The following MROH2B variants were observed in gnomAD, a reference collection of about 807,000 sequenced individuals.
MROH2B encodes maestro heat like repeat family member 2B.
Under a neutral mutation model 208.6 loss-of-function variants are expected in MROH2B, and 177 were observed. That is an observed-to-expected ratio of 0.85 (90% confidence interval 0.75 to 0.96). The LOEUF (loss-of-function observed/expected upper bound fraction) is 0.96, where lower values mean the gene tolerates loss of function less well. Ranked by LOEUF, MROH2B falls within the 40% of genes least tolerant of loss-of-function variation. The pLI is 0.00. For synonymous variants in MROH2B, 728 were observed against 659.0 expected (o/e 1.10, Z -1.60); for missense variants, 2,002 against 1,878.7 (o/e 1.07, Z -1.21).
intron 10 of MROH2B, 66 bp from the exon 11 acceptor site, chr5:41,054,906 T>C (rs997683530): frequency 2.6e-6 from 3 of 1,145,354 alleles, no homozygotes; most frequent in South Asian, 3.2e-5. Context: ...CTAGGATTGA[T>C]GAAAAGCTAT....
rs563024232 is a variant in MROH2B at position 40,999,193 on chromosome 5, T to C, written c.4585+484A>G. 2.0e-5 allele frequency among the ~76,000 whole-genome samples: 3 copies of C among 152,304 alleles called. No individual in the cohort carries two copies. In the East Asian group the frequency reaches 5.8e-4, roughly 29 times the overall value. The stretch of plus-strand genomic sequence containing the variant: ...TTATTTTATACATCAGACAGAGAGG[T>C]AACATAAAGTTAAGTCAATTTCCAG... On this transcript the variant is annotated intron_variant, in intron 40 of 41. Transcript: ENST00000399564.
At chr5:41,003,652 T>C (rs954901623) in intron 37 of MROH2B, among the ~76,000 whole-genome samples, 1 of 152,172 alleles carries the variant, frequency 6.6e-6, no homozygotes, top group East Asian at 1.9e-4. Flanking sequence ...CTGCAGACTG[T>C]AAGGTAAATA....
chr5:41,024,792 T>A (rs1276101715), intron 24 of MROH2B, among the ~76,000 whole-genome samples: 2 of 152,036 alleles, frequency 1.3e-5, no homozygotes, highest in African/African-American at 2.4e-5. Context: ...GAAGTAAAGC[T>A]CTCCTCAGCA....
intron 24 of MROH2B, among the ~76,000 whole-genome samples, chr5:41,021,738 G>A (rs1041330028): frequency 2.0e-5 from 3 of 151,930 alleles, no homozygotes; most frequent in Non-Finnish European, 4.4e-5. Flanking sequence ...TGAGCTGGGC[G>A]TGGTGGTGCT....
At chr5:41,024,033 A>G (rs1185532911) in intron 24 of MROH2B, among the ~76,000 whole-genome samples, 2 of 152,232 alleles carry the variant, frequency 1.3e-5, no homozygotes, top group Non-Finnish European at 2.9e-5. Context: ...TCCTGAAGGA[A>G]GCACTAAACA....
At chr5:41,032,643 G>A (rs1233834923) in intron 24 of MROH2B, 99 bp downstream of exon 24, 1 of 937,376 alleles carries the variant, frequency 1.1e-6, no homozygotes, top group African/African-American at 1.7e-5. Flanking sequence ...TTCAGTTTTG[G>A]GAGTGTGTAC....
chr5:41,062,873 T>C (rs929746320), intron 5 of MROH2B, among the ~76,000 whole-genome samples: 1 of 152,166 alleles, frequency 6.6e-6, no homozygotes, highest in Non-Finnish European at 1.5e-5. Flanking sequence ...TACATGTGTG[T>C]ATGTTTCTAA....
chr5:41,000,754 A>G lies in MROH2B; in HGVS notation c.4274T>C (p.Phe1425Ser). ...GCTCTTTTTTATTTCTTCAGCAAAAAAAATCTTCCACCTTCTTCCTGTTAG... is the reference window on the plus strand; with the variant it reads ...GCTCTTTTTTATTTCTTCAGCAAAAGAAATCTTCCACCTTCTTCCTGTTAG... ...APLTGRRWKI[F>S]FAEEIKKSLI... Residue 1425 changes from phenylalanine to serine, a missense_variant, in exon 38 of 42, where the codon TTT becomes TCT. By Grantham distance (155) the Phe-to-Ser change is radical. Coordinates refer to ENST00000399564, the MANE Select transcript of MROH2B (RefSeq NM_173489.5). The G allele has an allele frequency of 6.2e-7, 1 of 1,611,614 alleles. No individual in the cohort carries two copies. The highest frequency in any genetic ancestry group is 8.5e-7 in the Non-Finnish European group (1 of 1,179,000).
At chr5:41,039,599 T>G (rs1250475727) in intron 19 of MROH2B, 44 bp from the exon 20 acceptor site, 8 of 1,344,454 alleles carry the variant, frequency 6.0e-6, no homozygotes, top group Admixed American at 4.3e-5. Context: ...AACCATTTAT[T>G]TATTCAACAA....
At chr5:41,026,214 G>C (rs146511440) in intron 24 of MROH2B, among the ~76,000 whole-genome samples, 3 of 152,042 alleles carry the variant, frequency 2.0e-5, no homozygotes, top group Non-Finnish European at 4.4e-5. Context: ...AGAAATAAAG[G>C]GTATTCAATT....
chr5:41,022,947 C>T (rs1401519077), intron 24 of MROH2B, among the ~76,000 whole-genome samples: 3 of 152,148 alleles, frequency 2.0e-5, no homozygotes, highest in Admixed American at 6.5e-5. Context: ...TGGAGTGGAC[C>T]TCCAGCAAAC....
chr5:41,063,823 A>G (rs1743715483), intron 5 of MROH2B, among the ~76,000 whole-genome samples: 1 of 152,132 alleles, frequency 6.6e-6, no homozygotes, highest in Non-Finnish European at 1.5e-5. Context: ...ACTTCCCTGT[A>G]CACTGCAAAC....
intron 24 of MROH2B, among the ~76,000 whole-genome samples, chr5:41,031,470 T>C (rs1172696182): frequency 6.6e-6 from 1 of 152,104 alleles, no homozygotes; most frequent in Non-Finnish European, 1.5e-5. Flanking sequence ...TCAAACCACA[T>C]CAAGGAAATA....
Position 41,045,761 on chromosome 5 carries a change from A to T in MROH2B, c.1821T>A (p.Asn607Lys). Residue 607 changes from asparagine (N) to lysine (K), a missense_variant, in exon 18 of 42, where the codon AAT becomes AAA. By Grantham distance (94) the Asn-to-Lys change is moderately conservative. Transcript: ENST00000399564. ...DFKQQMGSYS[N>K]NSTEKKFLWK... ...AAAAACCAACCTTCTCAGTGGAGTT[A>T]TTGCTGTAACTGCCCATTTGCTGTT... 1 of 1,613,300 alleles carries T rather than the reference A, an allele frequency of 6.2e-7. No homozygotes were observed.
chr5:41,029,659 A>T (rs1346526254), intron 24 of MROH2B, among the ~76,000 whole-genome samples: 1 of 152,174 alleles, frequency 6.6e-6, no homozygotes, highest in Non-Finnish European at 1.5e-5. Flanking sequence ...TAAGAGTTAA[A>T]ACTATTAAAC....
At chr5:41,011,958 A>G (rs1741787464) in intron 30 of MROH2B, among the ~76,000 whole-genome samples, 1 of 152,206 alleles carries the variant, frequency 6.6e-6, no homozygotes, top group Non-Finnish European at 1.5e-5. Context: ...GTGAACCACC[A>G]CATCCAGCCC....
At chr5:41,022,181 G>A (rs182522334) in intron 24 of MROH2B, among the ~76,000 whole-genome samples, 184 of 152,280 alleles carry the variant, frequency 1.2e-3, no homozygotes, top group Admixed American at 2.2e-3. Context: ...ACATCTCAAT[G>A]GGGCTTGTTG....
chr5:41,000,984 C>G (rs2111787583), intron 37 of MROH2B, among the ~76,000 whole-genome samples, 151 bp from the exon 38 acceptor site: 1 of 152,206 alleles, frequency 6.6e-6, no homozygotes, highest in South Asian at 2.1e-4. Flanking sequence ...TCTAAATGTT[C>G]CAAGAACTTG....
At chr5:41,052,084 C>A (rs534577555) in intron 12 of MROH2B, among the ~76,000 whole-genome samples, 2 of 151,942 alleles carry the variant, frequency 1.3e-5, no homozygotes, top group East Asian at 1.9e-4. Flanking sequence ...ATTGCTTTCT[C>A]GGAAGCAATC....
Sources: gnomAD v4.1 joint callset for allele counts (sites outside exome capture counted in the v4.1 genomes callset) on GRCh38, gnomAD v4.1.1 for gene constraint, MANE v1.5 for transcripts, NCBI Gene and HGNC (gene_info 2026-07-23, HGNC 2026-07-21) for gene names.